P2RX5: variants seen among roughly 807,000 people sequenced by gnomAD.
The protein encoded by P2RX5 is purinergic receptor P2X 5.
In P2RX5, 46 loss-of-function variants were observed where a neutral mutation model predicts 54.1. That is an observed-to-expected ratio of 0.85 (90% CI 0.67 to 1.09). The LOEUF is 1.09. Ranked by LOEUF, P2RX5 falls within the 50% of genes least tolerant of loss-of-function variation. The pLI is 0.00. For missense variants in P2RX5, 566 were observed against 549.8 expected, an observed-to-expected ratio of 1.03 and a Z score of -0.29; for synonymous variants, 226 against 226.4, an observed-to-expected ratio of 1.00 and a Z score of 0.02.
At chr17:3,690,247 G>A (rs2050572693) in intron 5 of P2RX5, 97 bp from the exon 6 acceptor site, 2 of 1,289,250 alleles carry the variant, frequency 1.6e-6, no homozygotes, top group Non-Finnish European at 2.3e-6. Context: ...TGGGTCCCCT[G>A]GAGCCTCTGC....
chr17:3,688,251 C>T, intron 8 of P2RX5, 146 bp from the exon 9 acceptor site: 1 of 676,392 alleles, frequency 1.5e-6, no homozygotes, highest in South Asian at 1.6e-5. Context: ...GACCTTCTCA[C>T]TGAGCCAAAA....
intron 1 of P2RX5, 199 bp from the exon 2 acceptor site, chr17:3,691,993 A>T (rs2050630144): frequency 4.9e-6 from 3 of 611,880 alleles, no homozygotes; most frequent in Non-Finnish European, 8.7e-6. Flanking sequence ...CAAGCAGCAG[A>T]GGCGACAAGC....
Position 3,696,021 on chromosome 17 carries a change from G to C in P2RX5, c.-16C>G, listed in dbSNP as rs770436538. 1.2e-6 allele frequency: 2 copies of C among 1,612,826 alleles called. No homozygotes were observed. Among genetic ancestry groups the C allele is most frequent in the Non-Finnish European group, 1.7e-6 (2 of 1,179,408 alleles). ...CCTGCCCCATGGCGCGCTCTCAGCC[G>C]GGCTTGCGGACCGCCCGGCCCACGT... On this transcript the variant is annotated 5_prime_UTR_variant, in exon 1 of 12. Coordinates refer to ENST00000225328, the MANE Select transcript of P2RX5 (RefSeq NM_002561.4).
chr17:3,703,208 C>T, the P2RX5 span, among the ~76,000 whole-genome samples: 15,483 of 152,146 alleles, frequency 0.1, 871 homozygotes, highest in Middle Eastern at 0.16. Context: ...AATAGAAAAA[C>T]TCAACAACAA....
chr17:3,701,342 C>A, the P2RX5 span, among the ~76,000 whole-genome samples: 1 of 152,084 alleles, frequency 6.6e-6, no homozygotes, highest in Non-Finnish European at 1.5e-5. Flanking sequence ...AGATTGGACA[C>A]CTCTGGTCTA....
At chr17:3,676,066 C>T in intron 11 of P2RX5, 1 of 985,474 alleles carries the variant, frequency 1.0e-6, no homozygotes, top group Non-Finnish European at 1.2e-6. Flanking sequence ...AAAGAGGATG[C>T]TTCCAGGGAG....
chr17:3,698,429 C>T (rs2050795214), upstream of P2RX5, among the ~76,000 whole-genome samples: 1 of 152,062 alleles, frequency 6.6e-6, no homozygotes, highest in South Asian at 2.1e-4. Context: ...TGTTCCAGGG[C>T]CTGTTTGTTC....
chr17:3,675,032 T>C lies in P2RX5; in HGVS notation c.1260-1155A>G, dbSNP rs532793959. On this transcript the variant is annotated intron_variant, in intron 11 of 11. Transcript: ENST00000225328. ...TTTCCTGGCTGAAGGAATGACTAACTGTAGGAAGACATTTTCCTTTTTCTA... is the reference window on the plus strand; with the variant it reads ...TTTCCTGGCTGAAGGAATGACTAACCGTAGGAAGACATTTTCCTTTTTCTA... 3.9e-5 allele frequency among the ~76,000 whole-genome samples: 6 copies of C among 152,316 alleles called. 1 individual carries two copies. The East Asian group carries it at 7.7e-4, about 20-fold the overall frequency.
chr17:3,723,671 G>T, the P2RX5 span: 1 of 1,576,668 alleles, frequency 6.3e-7, no homozygotes, highest in South Asian at 1.1e-5. Context: ...CTGGCCTCTC[G>T]GGACGGCCGC....
At chr17:3,683,194 G>A (rs1207129992) in intron 9 of P2RX5, among the ~76,000 whole-genome samples, 1 of 152,062 alleles carries the variant, frequency 6.6e-6, no homozygotes, top group Admixed American at 6.6e-5. Flanking sequence ...GCAGGGTTGG[G>A]GCCTGAATGA....
intron 11 of P2RX5, among the ~76,000 whole-genome samples, chr17:3,679,218 A>C (rs942081263): frequency 6.6e-6 from 1 of 152,192 alleles, no homozygotes; most frequent in Non-Finnish European, 1.5e-5. Flanking sequence ...CAGCTTCCTC[A>C]TTTGTAAAAT....
At chr17:3,681,817 A>C in intron 10 of P2RX5, 79 bp downstream of exon 10, 1 of 925,700 alleles carries the variant, frequency 1.1e-6, no homozygotes, top group Non-Finnish European at 1.8e-6. Context: ...CATCAATATC[A>C]CATCAGGGCA....
the P2RX5 span, chr17:3,714,539 T>G: frequency 4.5e-6 from 1 of 220,432 alleles, no homozygotes; most frequent in Non-Finnish European, 8.8e-6. Flanking sequence ...ATCTATCATT[T>G]TTTAAAAATA....
At chr17:3,710,976 T>C in the P2RX5 span, among the ~76,000 whole-genome samples, 4 of 152,142 alleles carry the variant, frequency 2.6e-5, no homozygotes, top group African/African-American at 9.7e-5. Context: ...AATAACTGCA[T>C]CCAAAGTTCA....
At chr17:3,718,784 G>A in the P2RX5 span, among the ~76,000 whole-genome samples, 1 of 152,086 alleles carries the variant, frequency 6.6e-6, no homozygotes, top group Non-Finnish European at 1.5e-5. Context: ...GAGAAATGAA[G>A]GAACAATTAT....
chr17:3,678,158 C>T (rs1447642136), intron 11 of P2RX5: 6 of 964,620 alleles, frequency 6.2e-6, no homozygotes, highest in African/African-American at 1.8e-5. Context: ...CGGGAGGGGG[C>T]GCACAGGGCA....
At chr17:3,719,252 A>AAAAAAAAG in the P2RX5 span, among the ~76,000 whole-genome samples, 6 of 130,312 alleles carry the variant, frequency 4.6e-5, no homozygotes, top group Non-Finnish European at 3.1e-5. Flanking sequence ...AAAAAAAAAA[A>AAAAAAAAG]AAAAGAAAAG....
At chr17:3,719,957 C>T in the P2RX5 span, among the ~76,000 whole-genome samples, 1 of 152,144 alleles carries the variant, frequency 6.6e-6, no homozygotes, top group African/African-American at 2.4e-5. Context: ...AACTTCTGAC[C>T]TCAGGTGATC....
the P2RX5 span, among the ~76,000 whole-genome samples, chr17:3,702,831 C>T: frequency 6.6e-6 from 1 of 152,224 alleles, no homozygotes; most frequent in African/African-American, 2.4e-5. Flanking sequence ...TGTACCCAGC[C>T]TGCCATTTTC....
Sources: allele counts gnomAD v4.1 joint callset (sites outside exome capture counted in the v4.1 genomes callset), GRCh38; gene constraint gnomAD v4.1.1; transcripts MANE v1.5; gene names NCBI Gene and HGNC (gene_info 2026-07-23, HGNC 2026-07-21).